AKAP13: variants seen among roughly 807,000 people sequenced by gnomAD.
AKAP13 encodes A-kinase anchor protein 13.
Under a neutral mutation model 264.5 loss-of-function variants are expected in AKAP13, and 80 were observed. That is an observed-to-expected ratio of 0.30 (90% CI 0.25 to 0.36). The LOEUF (loss-of-function observed/expected upper bound fraction) is 0.36, where lower values mean the gene tolerates loss of function less well. Ranked by LOEUF, AKAP13 falls within the 10% of genes least tolerant of loss-of-function variation. The pLI, the probability that AKAP13 is intolerant of heterozygous loss-of-function variation, is 1.00. For missense variants in AKAP13, 3,712 were observed against 3,435.2 expected, an observed-to-expected ratio of 1.08 and a Z score of -2.01; for synonymous variants, 1,380 against 1,250.2, an observed-to-expected ratio of 1.10 and a Z score of -2.19.
At chr15:85,677,653 T>G (rs2084311943) in intron 14 of AKAP13, among the ~76,000 whole-genome samples, 3 of 151,126 alleles carry the variant, frequency 2.0e-5, no homozygotes, top group African/African-American at 4.9e-5. Context: ...TTGTGTTTTT[T>G]TTTTTTTTTT....
intron 1 of AKAP13, among the ~76,000 whole-genome samples, chr15:85,458,393 G>GTTTTTTTTTTTTTTTTT (rs4037636): frequency 1.4e-4 from 17 of 120,654 alleles, no homozygotes; most frequent in East Asian, 2.3e-4. Flanking sequence ...TTTGTTTTTT[G>GTTTTTTTTTTTTTTTTT]TTTTTTTTTT....
At chr15:85,505,155 A>G (rs186427773) in intron 2 of AKAP13, among the ~76,000 whole-genome samples, 15 of 152,366 alleles carry the variant, frequency 9.8e-5, no homozygotes, top group Admixed American at 5.9e-4. Context: ...CATACATTAA[A>G]TTATATCCAA....
In AKAP13 at chr15:85,718,056, T is replaced by G. The variant is rs1597161695; in HGVS notation, c.5898T>G (p.Ile1966Met). The change falls in exon 22 of 37, where the codon ATT becomes ATG. Residue 1966 changes from isoleucine to methionine, a missense_variant. Transcript: ENST00000394518. The surrounding 1 kb of genome is among the most constrained non-coding windows in gnomAD (Gnocchi z 4.9). ...NEGQLLGDFE[I>M]ESKQLEAESW... Reference sequence around the variant, plus strand: ...GACAACTACTGGGAGACTTTGAGATTGAGTCCAAACAGCTGGAAGCAGAGT... The same window carrying G: ...GACAACTACTGGGAGACTTTGAGATGGAGTCCAAACAGCTGGAAGCAGAGT... The G allele has an allele frequency of 6.2e-7, 1 of 1,614,160 alleles. No homozygotes were observed. Among genetic ancestry groups the G allele is most frequent in the East Asian group, 2.2e-5 (1 of 44,864 alleles).
chr15:85,632,104 G>A (rs1000433115), intron 8 of AKAP13, among the ~76,000 whole-genome samples: 4 of 152,032 alleles, frequency 2.6e-5, no homozygotes, highest in South Asian at 2.1e-4. Context: ...AAATTGTTCC[G>A]TACTTGCAAG....
chr15:85,734,884 C>A, intron 30 of AKAP13, 108 bp from the exon 31 acceptor site: 1 of 1,434,474 alleles, frequency 7.0e-7, no homozygotes, highest in Non-Finnish European at 9.4e-7. Context: ...CCCAGTCACT[C>A]TTTGGAACTT....
chr15:85,574,363 G>A (rs2078938437), intron 5 of AKAP13, among the ~76,000 whole-genome samples: 1 of 152,188 alleles, frequency 6.6e-6, no homozygotes, highest in African/African-American at 2.4e-5. Context: ...TATGCCTTCT[G>A]GATGCAAGGG....
chr15:85,577,254 C>T (rs746185390), intron 6 of AKAP13, among the ~76,000 whole-genome samples: 2 of 152,168 alleles, frequency 1.3e-5, no homozygotes, highest in Non-Finnish European at 2.9e-5. Context: ...CCAATATATT[C>T]ACTGAGTGAG....
At chr15:85,637,812 TTTAA>T (rs1397397756) in intron 8 of AKAP13, among the ~76,000 whole-genome samples, 8 of 152,056 alleles carry the variant, frequency 5.3e-5, no homozygotes, top group African/African-American at 1.9e-4. Flanking sequence ...TATGTGGTGT[TTTAA>T]TTTTTATTCA....
intron 10 of AKAP13, among the ~76,000 whole-genome samples, chr15:85,648,676 A>C (rs950577310): frequency 9.2e-5 from 14 of 152,104 alleles, no homozygotes; most frequent in African/African-American, 3.1e-4. Context: ...TTGTCTCTAC[A>C]AAAAATACCA....
rs1477045332 is a variant in AKAP13, at chr15:85,655,483, C to G, written c.4441C>G (p.Leu1481Val). Residue 1481 changes from leucine to valine, a missense_variant, in exon 11 of 37, where the codon CTG becomes GTG. Physicochemically the swap from Leu to Val is conservative, Grantham distance 32 (BLOSUM62 1). Coordinates refer to ENST00000394518, the MANE Select transcript of AKAP13 (RefSeq NM_007200.5). ...TTCATCCACCGATGACACGGCTTCA[C>G]TGGACCGACATTCTTCTCATGGCAG... Reference protein sequence around the residue: ...SSSSTDDTASLDRHSSHGSDV... With the variant: ...SSSSTDDTASVDRHSSHGSDV... 1.2e-6 allele frequency: 2 copies of G among 1,614,194 alleles called. No individual in the cohort carries two copies.
At chr15:85,682,950 A>AGCCACCGCAGCTGGCCACG (rs6145666) in intron 15 of AKAP13, among the ~76,000 whole-genome samples, 1 of 152,196 alleles carries the variant, frequency 6.6e-6, no homozygotes, top group African/African-American at 2.4e-5. Flanking sequence ...TACAGGCGTG[A>AGCCACCGCAGCTGGCCACG]AATTGATTCT....
intron 5 of AKAP13, among the ~76,000 whole-genome samples, chr15:85,550,827 G>C (rs1596499867): frequency 6.6e-6 from 1 of 152,178 alleles, no homozygotes; most frequent in Non-Finnish European, 1.5e-5. Flanking sequence ...GTGTGATCTA[G>C]GTCTTTGTGT....
At chr15:85,730,769 T>TTTTTC in intron 30 of AKAP13, 62 bp downstream of exon 30, 1 of 1,426,168 alleles carries the variant, frequency 7.0e-7, no homozygotes. Flanking sequence ...CACACTAATA[T>TTTTTC]TACCTGCCAG....
chr15:85,486,812 C>T lies in AKAP13; in HGVS notation c.33+1059C>T, dbSNP rs1195083980. Among the ~76,000 whole-genome samples the T allele has an allele frequency of 2.1e-5, 3 of 142,966 alleles. No individual in the cohort carries two copies. The Admixed American group carries it at 2.2e-4, about 10-fold the overall frequency. The allele number at this position is 142,966 out of a possible 152,430, so 93.8% of individuals were successfully genotyped here. A position where few individuals can be genotyped will look rare whatever the true frequency, so the allele number is the denominator to read the frequency against. On this transcript the variant is annotated intron_variant, in intron 2 of 36. Coordinates refer to ENST00000394518, the MANE Select transcript of AKAP13 (RefSeq NM_007200.5). Reference sequence around the variant, plus strand: ...GGAGTGCAGTGGCGCGATCTTGGCTCACTGCGAGCTCCGCCTCCCAGGTTC... The same window carrying T: ...GGAGTGCAGTGGCGCGATCTTGGCTTACTGCGAGCTCCGCCTCCCAGGTTC...
chr15:85,561,203 G>A (rs184577899), intron 5 of AKAP13, among the ~76,000 whole-genome samples: 1,782 of 151,942 alleles, frequency 0.012, 36 homozygotes, highest in African/African-American at 0.04. Context: ...GATTACAGGC[G>A]CCCGCCACCA....
At chr15:85,619,977 G>C in intron 8 of AKAP13, 2 of 1,478,878 alleles carry the variant, frequency 1.4e-6, no homozygotes, top group Admixed American at 2.3e-5. Flanking sequence ...CTGGAAGGCA[G>C]AGATCTCCAC....
rs1399921504 is a variant in AKAP13 at position 85,415,436 on chromosome 15, A to G, written c.-12+34638A>G. 2.5e-6 allele frequency: 4 copies of G among 1,606,498 alleles called. No homozygotes were observed. The African/African-American group carries it at 5.3e-5, about 21-fold the overall frequency. On this transcript the variant is annotated intron_variant, in intron 1 of 36. Coordinates refer to ENST00000394518, the MANE Select transcript of AKAP13 (RefSeq NM_007200.5). ...CAACACAGTTTTCTTGTACCCTGGG[A>G]GAGAAGTTTGAAGAAACCACAGCTG...
intron 5 of AKAP13, among the ~76,000 whole-genome samples, chr15:85,555,716 C>A (rs147181357): frequency 4.6e-4 from 70 of 152,258 alleles, no homozygotes; most frequent in Admixed American, 1.2e-3. Flanking sequence ...GCATGCTAGG[C>A]AAGGTAAGAA....
At chr15:85,493,509 C>T (rs1446356456) in intron 2 of AKAP13, among the ~76,000 whole-genome samples, 1 of 152,090 alleles carries the variant, frequency 6.6e-6, no homozygotes, top group African/African-American at 2.4e-5. Flanking sequence ...TAAGGAAATC[C>T]TTACAGCATC....
Sources: gnomAD v4.1 joint callset for allele counts (sites outside exome capture counted in the v4.1 genomes callset) on GRCh38, gnomAD v4.1.1 for gene constraint, Gnocchi (gnomAD v3.1) non-coding constraint, MANE v1.5 for transcripts, NCBI Gene and HGNC (gene_info 2026-07-23, HGNC 2026-07-21) for gene names.